MACROD2: variants seen among roughly 807,000 people sequenced by gnomAD.
MACROD2 encodes ADP-ribose glycohydrolase MACROD2.
A neutral mutation model predicts 70.4 loss-of-function variants in MACROD2; 36 were observed. The observed-to-expected ratio is 0.51, with a 90% CI of 0.39 to 0.68. MACROD2 has a LOEUF of 0.68. Ranked by LOEUF, MACROD2 falls within the 30% of genes least tolerant of loss-of-function variation. The pLI is 0.00. For missense variants in MACROD2, 496 were observed against 538.4 expected, an observed-to-expected ratio of 0.92 and a Z score of 0.78; for synonymous variants, 172 against 178.8, an observed-to-expected ratio of 0.96 and a Z score of 0.30.
chr20:14,393,453 G>GTT lies in MACROD2; in HGVS notation c.272-100021_272-100020dup, dbSNP rs547881183. On this transcript the variant is annotated intron_variant, in intron 3 of 17. Coordinates refer to ENST00000684519, the MANE Select transcript of MACROD2 (RefSeq NM_001351661.2). ...ATATTCTGTCTTCCTTAGTGTATTT[G>GTT]TTTTTTCTCCTTTTCACATTTTCTT... Among the ~76,000 whole-genome samples the GTT allele has an allele frequency of 1.4e-4, 22 of 152,158 alleles. No homozygotes were observed. The South Asian group carries it at 4.1e-3, about 29-fold the overall frequency.
intron 6 of MACROD2, among the ~76,000 whole-genome samples, chr20:15,274,759 C>T (rs2077375642): frequency 6.6e-6 from 1 of 152,190 alleles, no homozygotes; most frequent in Admixed American, 6.5e-5. Context: ...GAAAGATGAA[C>T]ACTAATCAAA....
At chr20:15,975,449 A>G (rs1166339945) in intron 13 of MACROD2, among the ~76,000 whole-genome samples, 3 of 152,292 alleles carry the variant, frequency 2.0e-5, no homozygotes, top group East Asian at 3.9e-4. Context: ...GTTCATTGCA[A>G]TATGATGTTT....
rs75006427 is a variant in MACROD2 at position 15,014,140 on chromosome 20, C to A, written c.419-215800C>A. On this transcript the variant is annotated intron_variant, in intron 5 of 17. Coordinates refer to ENST00000684519, the MANE Select transcript of MACROD2 (RefSeq NM_001351661.2). ...CTTTTAATGATGTTTGACATGAAAA[C>A]CACCATATACTCTTATACTTTCCCC... Among the ~76,000 whole-genome samples the A allele has an allele frequency of 6.4e-3, 969 of 152,270 alleles. 7 individuals are homozygous for A. The highest frequency in any genetic ancestry group is 0.021 in the African/African-American group (890 of 41,560).
chr20:15,357,521 A>G (rs7263555), intron 6 of MACROD2, among the ~76,000 whole-genome samples: 7,763 of 152,188 alleles, frequency 0.051, 666 homozygotes, highest in African/African-American at 0.18. Flanking sequence ...AACAGTATTT[A>G]TAATATAGAA....
Position 14,085,703 on chromosome 20 carries a change from A to G in MACROD2, c.246A>G (p.Leu82=). The change falls in exon 3 of 18, where the codon CTA becomes CTG. Residue 82 remains leucine (L), a synonymous_variant. Coordinates refer to ENST00000684519, the MANE Select transcript of MACROD2 (RefSeq NM_001351661.2). ...VSLYRGDITL[L]EVDAIVNAAN... ...TCTATAGAGGTGACATCACATTGCT[A>G]GAGGTAGATGCTATAGTCAATGCCG... The G allele has an allele frequency of 6.4e-7, 1 of 1,563,906 alleles. No homozygotes were observed. Among genetic ancestry groups the G allele is most frequent in the Non-Finnish European group, 8.7e-7 (1 of 1,154,194 alleles).
chr20:15,134,390 A>C lies in MACROD2; in HGVS notation c.419-95550A>C, dbSNP rs558705059. On this transcript the variant is annotated intron_variant, in intron 5 of 17. Transcript: ENST00000684519. ...GTCTCTCAGACCACAGTGCAATCAA[A>C]CTAGAACTCAGGATTAAGAAACTCA... Among the ~76,000 whole-genome samples, 18 of 151,896 alleles carry C rather than the reference A, an allele frequency of 1.2e-4. No individual in the cohort carries two copies. The South Asian group carries it at 3.7e-3, about 32-fold the overall frequency.
intron 5 of MACROD2, among the ~76,000 whole-genome samples, chr20:14,823,675 C>G (rs1332248894): frequency 6.6e-6 from 1 of 152,128 alleles, no homozygotes; most frequent in Non-Finnish European, 1.5e-5. Flanking sequence ...TTGGTCAGAG[C>G]TAATTCACAT....
At chr20:14,339,597 A>G (rs1335052584) in intron 3 of MACROD2, among the ~76,000 whole-genome samples, 1 of 152,198 alleles carries the variant, frequency 6.6e-6, no homozygotes, top group African/African-American at 2.4e-5. Context: ...GAATTGGGTT[A>G]TAGGTATCAA....
At chr20:14,954,577 A>G (rs2074504137) in intron 5 of MACROD2, among the ~76,000 whole-genome samples, 1 of 136,872 alleles carries the variant, frequency 7.3e-6, no homozygotes, top group South Asian at 2.1e-4. Context: ...ATAAATGTAT[A>G]AATTATAAAT....
At chr20:15,345,234 G>A (rs2078152779) in intron 6 of MACROD2, among the ~76,000 whole-genome samples, 1 of 152,134 alleles carries the variant, frequency 6.6e-6, no homozygotes, top group African/African-American at 2.4e-5. Context: ...TAGTTATTTA[G>A]GCTGTAACAC....
intron 4 of MACROD2, among the ~76,000 whole-genome samples, chr20:14,595,210 G>C (rs982475031): frequency 6.6e-6 from 1 of 152,082 alleles, no homozygotes; most frequent in Non-Finnish European, 1.5e-5. Flanking sequence ...CTAAAAGCCC[G>C]GGGGTCCTTG....
At chr20:14,045,269 C>T (rs992809459) in intron 2 of MACROD2, among the ~76,000 whole-genome samples, 2 of 152,244 alleles carry the variant, frequency 1.3e-5, no homozygotes, top group Non-Finnish European at 2.9e-5. Flanking sequence ...TCAAGCGCAG[C>T]CAGAGTGGGC....
chr20:15,038,539 A>G (rs912752467), intron 5 of MACROD2, among the ~76,000 whole-genome samples: 5 of 152,214 alleles, frequency 3.3e-5, no homozygotes, highest in Admixed American at 2.0e-4. Context: ...GGATGAATCT[A>G]TCAGGAACTT....
intron 2 of MACROD2, among the ~76,000 whole-genome samples, chr20:14,030,431 T>TG (rs2053232005): frequency 6.6e-6 from 1 of 151,958 alleles, no homozygotes; most frequent in South Asian, 2.1e-4. Context: ...TTTTTTGAGA[T>TG]GGAGTCTTGT....
At chr20:15,867,025 C>A (rs764791950) in intron 9 of MACROD2, among the ~76,000 whole-genome samples, 10 of 152,068 alleles carry the variant, frequency 6.6e-5, no homozygotes, top group Non-Finnish European at 1.3e-4. Flanking sequence ...GGCTAGAAGC[C>A]CAAGGCCAAG....
intron 5 of MACROD2, among the ~76,000 whole-genome samples, chr20:15,133,693 C>T (rs187709211): frequency 6.6e-6 from 1 of 152,166 alleles, no homozygotes; most frequent in Non-Finnish European, 1.5e-5. Flanking sequence ...AGAAGTTCAC[C>T]AACATGTTTG....
intron 5 of MACROD2, among the ~76,000 whole-genome samples, chr20:15,040,275 A>G (rs142821787): frequency 0.045 from 6,823 of 151,212 alleles, 253 homozygotes; most frequent in African/African-American, 0.097. Context: ...AGATCGCGCC[A>G]CTGCACTCCA....
chr20:14,642,657 A>AT (rs1371569197), intron 4 of MACROD2, among the ~76,000 whole-genome samples: 2 of 152,128 alleles, frequency 1.3e-5, no homozygotes, highest in African/African-American at 4.8e-5. Flanking sequence ...AGGAAGAGAG[A>AT]TGGGCAATTG....
At chr20:14,866,831 G>T (rs1482276317) in intron 5 of MACROD2, among the ~76,000 whole-genome samples, 3 of 152,094 alleles carry the variant, frequency 2.0e-5, no homozygotes, top group Non-Finnish European at 4.4e-5. Flanking sequence ...TACATAGAAT[G>T]TAAGTTGGAT....
Sources: allele counts gnomAD v4.1 joint callset (sites outside exome capture counted in the v4.1 genomes callset), GRCh38; gene constraint gnomAD v4.1.1; transcripts MANE v1.5; gene names NCBI Gene and HGNC (gene_info 2026-07-23, HGNC 2026-07-21).